The following MACROD2 variants were observed in gnomAD, a reference collection of about 807,000 sequenced individuals.
The protein encoded by MACROD2 is ADP-ribose glycohydrolase MACROD2.
In MACROD2, 36 loss-of-function variants were observed where a neutral mutation model predicts 70.4. The ratio of observed to expected loss-of-function variants is 0.51; its 90% CI spans 0.39 to 0.68. The LOEUF (loss-of-function observed/expected upper bound fraction) is 0.68, where lower values mean the gene tolerates loss of function less well. Ranked by LOEUF, MACROD2 falls within the 30% of genes least tolerant of loss-of-function variation. The pLI is 0.00. For missense variants in MACROD2, 496 were observed against 538.4 expected (o/e 0.92, Z 0.78); for synonymous variants, 172 against 178.8 (o/e 0.96, Z 0.30).
rs529918939 is a variant in MACROD2, at chr20:15,959,705, T to C, written c.908-7848T>C. 2.6e-5 allele frequency among the ~76,000 whole-genome samples: 4 copies of C among 152,210 alleles called. No individual in the cohort carries two copies. In the South Asian group the frequency reaches 6.2e-4, roughly 24 times the overall value. On this transcript the variant is annotated intron_variant, in intron 12 of 17. Coordinates refer to ENST00000684519, the MANE Select transcript of MACROD2 (RefSeq NM_001351661.2). Reference sequence around the variant, plus strand: ...TCACCACACCTGGCTAACGTTTTTTTATATTTTTAGTAGAAGCGGGGTTTC... The same window carrying C: ...TCACCACACCTGGCTAACGTTTTTTCATATTTTTAGTAGAAGCGGGGTTTC...
chr20:14,198,483 G>T (rs1172239036), intron 3 of MACROD2, among the ~76,000 whole-genome samples: 1 of 152,152 alleles, frequency 6.6e-6, no homozygotes, highest in African/African-American at 2.4e-5. Flanking sequence ...TATTCGGTTA[G>T]AAACTTGATT....
chr20:15,528,810 A>G (rs569358054), intron 8 of MACROD2, among the ~76,000 whole-genome samples: 1 of 151,746 alleles, frequency 6.6e-6, no homozygotes, highest in Admixed American at 6.6e-5. Context: ...CTTAGCTGCC[A>G]TCTTGAACTC....
intron 8 of MACROD2, among the ~76,000 whole-genome samples, chr20:15,660,841 G>T (rs953791035): frequency 1.8e-5 from 2 of 111,374 alleles, no homozygotes; most frequent in Non-Finnish European, 3.9e-5. Flanking sequence ...TGTTTAATTG[G>T]ATTTCATTCT....
In MACROD2 at chr20:14,918,236, A is replaced by G. The variant is rs375520494; in HGVS notation, c.418+233277A>G. Among the ~76,000 whole-genome samples the G allele has an allele frequency of 3.9e-5, 6 of 152,282 alleles. 1 individual carries two copies. The highest frequency in any genetic ancestry group is 1.4e-4 in the African/African-American group (6 of 41,568). On this transcript the variant is annotated intron_variant, in intron 5 of 17. Transcript: ENST00000684519. ...AGCAATCCACCTGCCTCGGCCTCCC[A>G]AAGTGCTGGGATTACAGGCATGAGC...
chr20:15,032,194 C>T (rs897173068), intron 5 of MACROD2, among the ~76,000 whole-genome samples: 2 of 152,206 alleles, frequency 1.3e-5, no homozygotes, highest in African/African-American at 4.8e-5. Context: ...GACAGGTGGG[C>T]TTCCCAGGCC....
At chr20:14,031,166 C>G (rs1209845204) in intron 2 of MACROD2, among the ~76,000 whole-genome samples, 1 of 152,174 alleles carries the variant, frequency 6.6e-6, no homozygotes, top group Non-Finnish European at 1.5e-5. Flanking sequence ...TTTCATAAAA[C>G]ATGTCTTTTT....
At chr20:14,988,279 G>C (rs1447376932) in intron 5 of MACROD2, among the ~76,000 whole-genome samples, 2 of 145,268 alleles carry the variant, frequency 1.4e-5, no homozygotes, top group Non-Finnish European at 3.0e-5. Flanking sequence ...CAGAAGAATT[G>C]CTTTTACCTG....
intron 5 of MACROD2, among the ~76,000 whole-genome samples, chr20:15,093,721 T>C (rs2075808761): frequency 6.6e-6 from 1 of 152,208 alleles, no homozygotes; most frequent in Non-Finnish European, 1.5e-5. Flanking sequence ...TGATGACATA[T>C]ACTTCTAAGA....
At chr20:14,069,412 G>T (rs2148660107) in intron 2 of MACROD2, among the ~76,000 whole-genome samples, 1 of 151,892 alleles carries the variant, frequency 6.6e-6, no homozygotes, top group African/African-American at 2.4e-5. Flanking sequence ...TTTGGACAGG[G>T]CATTCTTTGC....
chr20:14,415,304 A>G (rs1185030972), intron 3 of MACROD2, among the ~76,000 whole-genome samples: 2 of 150,882 alleles, frequency 1.3e-5, no homozygotes, highest in African/African-American at 5.0e-5. Context: ...TTTACTGCCA[A>G]CTTTCATTTT....
chr20:14,757,463 C>T lies in MACROD2; in HGVS notation c.418+72504C>T, dbSNP rs112076752. ...TAAAAAGTACAACTTTGGACAATAA[C>T]GTTATTTTTCTTAGGTAGGCATTAA... On this transcript the variant is annotated intron_variant, in intron 5 of 17. Transcript: ENST00000684519. 512 of 485,796 alleles carry T rather than the reference C, an allele frequency of 1.1e-3. 1 individual carries two copies. The highest frequency in any genetic ancestry group is 1.5e-3 in the Non-Finnish European group (409 of 269,222). The allele number at this position is 485,796 out of a possible 1,614,324, so 30.1% of individuals were successfully genotyped here.
intron 5 of MACROD2, among the ~76,000 whole-genome samples, chr20:15,117,893 C>G (rs931001478): frequency 6.6e-6 from 1 of 152,054 alleles, no homozygotes; most frequent in Admixed American, 6.6e-5. Flanking sequence ...TTATTTAGCC[C>G]CAGAACCAGA....
At chr20:16,041,366 C>T in intron 16 of MACROD2, 88 bp downstream of exon 16, 5 of 1,052,902 alleles carry the variant, frequency 4.7e-6, no homozygotes, top group Non-Finnish European at 6.9e-6. Context: ...ACTATCTGTT[C>T]TATAAAGCAA....
chr20:15,522,383 G>A (rs1019058880), intron 8 of MACROD2, among the ~76,000 whole-genome samples: 1 of 152,198 alleles, frequency 6.6e-6, no homozygotes, highest in African/African-American at 2.4e-5. Flanking sequence ...ACTCAATGCA[G>A]TGCTCTACAA....
chr20:14,301,371 G>A (rs2082474043), intron 3 of MACROD2, among the ~76,000 whole-genome samples: 1 of 152,146 alleles, frequency 6.6e-6, no homozygotes, highest in African/African-American at 2.4e-5. Flanking sequence ...TGAATCCTTT[G>A]ATTTATTTCA....
At chr20:15,031,240 A>C (rs1436361924) in intron 5 of MACROD2, among the ~76,000 whole-genome samples, 1 of 152,180 alleles carries the variant, frequency 6.6e-6, no homozygotes, top group African/African-American at 2.4e-5. Context: ...AGAGACCCAA[A>C]GAGGGTGTTA....
intron 4 of MACROD2, among the ~76,000 whole-genome samples, chr20:14,620,046 A>G (rs1983741088): frequency 6.6e-6 from 1 of 152,116 alleles, no homozygotes; most frequent in African/African-American, 2.4e-5. Flanking sequence ...CTGGAAGAGG[A>G]ATGTGTCAAA....
At chr20:14,914,320 A>G (rs1019165736) in intron 5 of MACROD2, among the ~76,000 whole-genome samples, 1 of 152,134 alleles carries the variant, frequency 6.6e-6, no homozygotes, top group Admixed American at 6.6e-5. Flanking sequence ...GTCTATGTCA[A>G]TGAGAATTTC....
intron 3 of MACROD2, among the ~76,000 whole-genome samples, chr20:14,453,189 C>T (rs1457468039): frequency 6.6e-6 from 1 of 152,108 alleles, no homozygotes; most frequent in African/African-American, 2.4e-5. Flanking sequence ...ATTAAGACCA[C>T]CAAGGCCTGC....
Sources: gnomAD v4.1 joint callset for allele counts (sites outside exome capture counted in the v4.1 genomes callset) on GRCh38, gnomAD v4.1.1 for gene constraint, MANE v1.5 for transcripts, NCBI Gene and HGNC (gene_info 2026-07-23, HGNC 2026-07-21) for gene names.